Variants in KIAA2012 observed in about 807,000 individuals in gnomAD.
KIAA2012 encodes the protein uncharacterized protein KIAA2012.
Under a neutral mutation model 150.6 loss-of-function variants are expected in KIAA2012, and 125 were observed. The ratio of observed to expected loss-of-function variants is 0.83; its 90% CI spans 0.72 to 0.96. KIAA2012 has a LOEUF of 0.96. Among genes scored for constraint, KIAA2012 ranks in the 40% least tolerant of loss-of-function variants. The pLI is 0.00. For missense variants in KIAA2012, 1,219 were observed against 1,354.9 expected, an observed-to-expected ratio of 0.90 and a Z score of 1.57; for synonymous variants, 462 against 504.7, an observed-to-expected ratio of 0.92 and a Z score of 1.13.
intron 15 of KIAA2012, among the ~76,000 whole-genome samples, chr2:202,170,467 C>T (rs913292729): frequency 6.6e-6 from 1 of 152,128 alleles, no homozygotes; most frequent in African/African-American, 2.4e-5. Flanking sequence ...CTTTAACCAC[C>T]GACTGCATGA....
At chr2:202,190,611 A>C in intron 19 of KIAA2012, 118 bp downstream of exon 19, 1 of 753,454 alleles carries the variant, frequency 1.3e-6, no homozygotes, top group Non-Finnish European at 2.1e-6. Context: ...CGACCACCTA[A>C]TGGTCTTATT....
At chr2:202,146,160 A>T (rs1250311627) in intron 13 of KIAA2012, among the ~76,000 whole-genome samples, 1 of 152,148 alleles carries the variant, frequency 6.6e-6, no homozygotes, top group Admixed American at 6.5e-5. Context: ...CATGAACCGC[A>T]CTTTAAAGAG....
intron 11 of KIAA2012, among the ~76,000 whole-genome samples, chr2:202,121,167 G>A (rs1489870347): frequency 1.3e-5 from 2 of 152,196 alleles, no homozygotes; most frequent in Admixed American, 6.5e-5. Context: ...GGATGATGGA[G>A]TACTAAGATA....
At chr2:202,136,603 T>TC (rs1464240445) in intron 12 of KIAA2012, 3 of 152,346 alleles carry the variant, frequency 2.0e-5, no homozygotes, top group Admixed American at 2.0e-4. Context: ...AGGGAGCTCA[T>TC]CCCCCGATCA....
At chr2:202,142,834 G>C (rs1220422597) in intron 13 of KIAA2012, among the ~76,000 whole-genome samples, 1 of 151,960 alleles carries the variant, frequency 6.6e-6, no homozygotes, top group African/African-American at 2.4e-5. Flanking sequence ...AAAAAAGAAT[G>C]ATTGTTCATA....
intron 2 of KIAA2012, among the ~76,000 whole-genome samples, chr2:202,075,488 A>G (rs1689306423): frequency 6.6e-6 from 1 of 152,250 alleles, no homozygotes; most frequent in South Asian, 2.1e-4. Flanking sequence ...GATTCAGGCC[A>G]GCAGACGTTT....
rs1361241693 is a variant in KIAA2012 at position 202,122,367 on chromosome 2, G to T, written c.1763-2847G>T. Among the ~76,000 whole-genome samples the T allele has an allele frequency of 2.0e-5, 3 of 152,334 alleles. No homozygotes were observed. The East Asian group carries it at 5.8e-4, about 29-fold the overall frequency. On this transcript the variant is annotated intron_variant, in intron 11 of 23. Transcript: ENST00000498697. Reference sequence around the variant, plus strand: ...CCATGCCTAAAAGGCATGCTCCCTAGGGCCACTGACTGGACGTGAGCATCT... The same window carrying T: ...CCATGCCTAAAAGGCATGCTCCCTATGGCCACTGACTGGACGTGAGCATCT...
chr2:202,121,608 AAGTG>A (rs2105934591), intron 11 of KIAA2012, among the ~76,000 whole-genome samples: 2 of 152,306 alleles, frequency 1.3e-5, no homozygotes, highest in African/African-American at 4.8e-5. Flanking sequence ...CGATCCTAGG[AAGTG>A]AGTATTTTCA....
intron 22 of KIAA2012, chr2:202,201,251 C>T: frequency 6.6e-7 from 1 of 1,518,430 alleles, no homozygotes. Flanking sequence ...AAAGTTGGGG[C>T]ACCAGAAAGA....
At chr2:202,122,096 G>A (rs1056237390) in intron 11 of KIAA2012, among the ~76,000 whole-genome samples, 4 of 152,250 alleles carry the variant, frequency 2.6e-5, no homozygotes, top group African/African-American at 4.8e-5. Flanking sequence ...CATGCTGGGG[G>A]TGAGGAGGAG....
At chr2:202,081,370 G>A (rs933279928) in intron 2 of KIAA2012, among the ~76,000 whole-genome samples, 1 of 152,024 alleles carries the variant, frequency 6.6e-6, no homozygotes, top group African/African-American at 2.4e-5. Context: ...ATACCCAGAA[G>A]TGGAATTGTT....
chr2:202,079,119 T>G (rs964042631), intron 2 of KIAA2012, among the ~76,000 whole-genome samples: 1 of 152,170 alleles, frequency 6.6e-6, no homozygotes, highest in Non-Finnish European at 1.5e-5. Context: ...TTTTACCAAA[T>G]ATATTTTTTA....
chr2:202,179,381 G>A (rs550924806), intron 15 of KIAA2012: 12 of 812,864 alleles, frequency 1.5e-5, no homozygotes, highest in Non-Finnish European at 2.6e-5. Context: ...GGCTGCTGTA[G>A]CTGGAGGAGC....
chr2:202,092,153 A>C (rs557327697), intron 3 of KIAA2012, among the ~76,000 whole-genome samples: 2 of 152,322 alleles, frequency 1.3e-5, no homozygotes, highest in East Asian at 3.9e-4. Context: ...TATGGCTAAA[A>C]TGTGTGGTTT....
chr2:202,088,150 T>G (rs1489438442), intron 2 of KIAA2012, among the ~76,000 whole-genome samples: 1 of 152,186 alleles, frequency 6.6e-6, no homozygotes, highest in African/African-American at 2.4e-5. Context: ...TATAAGGGAC[T>G]TGAGCATACA....
At chr2:202,102,248 T>A (rs985521485) in intron 7 of KIAA2012, among the ~76,000 whole-genome samples, 1 of 152,182 alleles carries the variant, frequency 6.6e-6, no homozygotes, top group Non-Finnish European at 1.5e-5. Context: ...TTGCTGATTC[T>A]GACACACAAT....
In KIAA2012 at chr2:202,154,696, A is replaced by G. The variant is rs1691488624; in HGVS notation, c.1932A>G (p.Ala644=). Residue 644 remains alanine, a synonymous_variant, in exon 14 of 24, where the codon GCA becomes GCG. Coordinates refer to ENST00000498697, the MANE Select transcript of KIAA2012 (RefSeq NM_001277372.4). ...AGGGAGCCCAGCAGTCCTTGGAGGC[A>G]GCAGCTCAGAAGACAGGAGAGCCTC... ...EKQGAQQSLE[A]AAQKTGEPQS... The G allele has an allele frequency of 6.5e-7, 1 of 1,547,576 alleles. No individual in the cohort carries two copies.
intron 14 of KIAA2012, among the ~76,000 whole-genome samples, chr2:202,155,951 T>G (rs529018850): frequency 6.6e-6 from 1 of 152,310 alleles, no homozygotes; most frequent in South Asian, 2.1e-4. Flanking sequence ...AAACCAAATG[T>G]GGGTCACTTA....
chr2:202,142,863 T>C (rs1325059409), intron 13 of KIAA2012, among the ~76,000 whole-genome samples: 1 of 151,876 alleles, frequency 6.6e-6, no homozygotes, highest in Non-Finnish European at 1.5e-5. Flanking sequence ...TGAGATTTAA[T>C]ACTAATGTTT....
Sources: allele counts gnomAD v4.1 joint callset (sites outside exome capture counted in the v4.1 genomes callset), GRCh38; gene constraint gnomAD v4.1.1; transcripts MANE v1.5; gene names NCBI Gene and HGNC (gene_info 2026-07-23, HGNC 2026-07-21).